Variants in ESR2 observed in about 807,000 individuals in gnomAD.
The protein encoded by ESR2 is estrogen receptor beta.
In ESR2, 36 loss-of-function variants were observed where a neutral mutation model predicts 49.6. The observed-to-expected ratio is 0.73, with a 90% CI of 0.56 to 0.96. The LOEUF is 0.96. Ranked by LOEUF, ESR2 falls within the 40% of genes least tolerant of loss-of-function variation. The pLI is 0.00. For missense variants in ESR2, 714 were observed against 693.0 expected, an observed-to-expected ratio of 1.03 and a Z score of -0.34; for synonymous variants, 320 against 266.1, an observed-to-expected ratio of 1.20 and a Z score of -1.97.
intron 3 of ESR2, among the ~76,000 whole-genome samples, chr14:64,274,541 C>CA (rs1301656716): frequency 2.0e-5 from 3 of 151,776 alleles, no homozygotes; most frequent in African/African-American, 2.4e-5. Flanking sequence ...TTTATTTTCT[C>CA]AAAAAAACCT....
At chr14:64,243,902 G>C (rs2075795180) in intron 7 of ESR2, among the ~76,000 whole-genome samples, 1 of 152,192 alleles carries the variant, frequency 6.6e-6, no homozygotes, top group Admixed American at 6.5e-5. Flanking sequence ...TCTTTGTGCA[G>C]CTCTTTCCCA....
Position 64,232,987 on chromosome 14 carries a change from G to A in ESR2, c.*150C>T. On this transcript the variant is annotated 3_prime_UTR_variant, in exon 9 of 9. Transcript: ENST00000341099. ...CCTCACACCGACTCCTGAGAGTTGG[G>A]AAGGTGGAGGGAAGGATGGTACATG... is the stretch of plus-strand genomic sequence containing the variant. 7.2e-7 allele frequency: 1 copy of A among 1,393,128 alleles called. No individual in the cohort carries two copies. The highest frequency in any genetic ancestry group is 2.9e-5 in the Admixed American group (1 of 34,788). 86.3% of individuals were successfully genotyped at this position (1,393,128 alleles called of 1,614,324 possible).
At position 64,257,292 on chromosome 14, in the gene ESR2, C is replaced by A. The variant is rs553390407; in HGVS notation, c.1025G>T (p.Gly342Val). 6.2e-7 allele frequency: 1 copy of A among 1,614,088 alleles called. No individual in the cohort carries two copies. Among genetic ancestry groups the A allele is most frequent in the Non-Finnish European group, 8.5e-7 (1 of 1,180,006 alleles). ...GTGGTCAATTGAGCGCCACATCAGC[C>A]CCATCATTAACACCTCCATCCAACA... Reference protein sequence around the residue: ...ESCWMEVLMMGLMWRSIDHPG... With the variant: ...ESCWMEVLMMVLMWRSIDHPG... The change falls in exon 6 of 9, where the codon GGG (glycine) becomes GTG (valine). Residue 342 changes from glycine (G) to valine (V), a missense_variant. By Grantham distance (109) the Gly-to-Val change is moderately radical. Coordinates refer to ENST00000341099, the MANE Select transcript of ESR2 (RefSeq NM_001437.3).
chr14:64,237,553 A>T (rs2075630848), intron 7 of ESR2, among the ~76,000 whole-genome samples: 2 of 152,226 alleles, frequency 1.3e-5, no homozygotes, highest in Non-Finnish European at 2.9e-5. Flanking sequence ...TCTCAGTTCA[A>T]AGTGACAAAG....
At chr14:64,305,451 A>AC (rs1431663991) in intron 1 of ESR2, among the ~76,000 whole-genome samples, 2 of 151,968 alleles carry the variant, frequency 1.3e-5, no homozygotes, top group African/African-American at 4.8e-5. Context: ...CGGGCGGATC[A>AC]CGAGGTCAGG....
At chr14:64,289,650 A>G (rs1352070011) in intron 1 of ESR2, among the ~76,000 whole-genome samples, 1 of 152,168 alleles carries the variant, frequency 6.6e-6, no homozygotes, top group Non-Finnish European at 1.5e-5. Flanking sequence ...TTTCCAGACA[A>G]GTTACAATGT....
intron 4 of ESR2, among the ~76,000 whole-genome samples, chr14:64,265,910 T>C (rs761809788): frequency 2.0e-5 from 3 of 152,058 alleles, no homozygotes; most frequent in Non-Finnish European, 2.9e-5. Flanking sequence ...AAAGCATGCA[T>C]AGAGGGTTTT....
intron 1 of ESR2, among the ~76,000 whole-genome samples, chr14:64,309,803 C>T (rs2140879400): frequency 6.6e-6 from 1 of 151,848 alleles, no homozygotes; most frequent in South Asian, 2.1e-4. Context: ...AAGCTCGTCT[C>T]TGGCCAGGCG....
chr14:64,233,375 AC>A, intron 8 of ESR2, 52 bp from the exon 9 acceptor site: 1 of 1,560,508 alleles, frequency 6.4e-7, no homozygotes. Flanking sequence ...AGCCACAGGA[AC>A]CCCGAAGCCT....
At chr14:64,250,257 A>G (rs1180228174) in intron 6 of ESR2, among the ~76,000 whole-genome samples, 2 of 152,252 alleles carry the variant, frequency 1.3e-5, no homozygotes, top group Non-Finnish European at 1.5e-5. Context: ...AGAAATCGCA[A>G]TTAGAGAAGA....
chr14:64,264,457 T>C (rs2076283014), intron 4 of ESR2, among the ~76,000 whole-genome samples: 1 of 143,826 alleles, frequency 7.0e-6, no homozygotes, highest in Non-Finnish European at 1.5e-5. Context: ...GCAAAATGTA[T>C]GTTTTTCTTA....
chr14:64,317,826 GA>G (rs1385726880), intron 1 of ESR2, among the ~76,000 whole-genome samples: 1 of 152,032 alleles, frequency 6.6e-6, no homozygotes, highest in Non-Finnish European at 1.5e-5. Context: ...AATAAACTCA[GA>G]AAAACAGGAA....
intron 1 of ESR2, among the ~76,000 whole-genome samples, chr14:64,335,121 C>T (rs940704108): frequency 6.6e-6 from 1 of 152,068 alleles, no homozygotes; most frequent in South Asian, 2.1e-4. Flanking sequence ...AGCCAGTAAA[C>T]ATGTATAAAA....
chr14:64,296,931 G>A (rs1001376972), upstream of ESR2, among the ~76,000 whole-genome samples: 1 of 152,204 alleles, frequency 6.6e-6, no homozygotes, highest in Non-Finnish European at 1.5e-5. Context: ...GCAGAGTGGA[G>A]AGGATGATTA....
intron 6 of ESR2, among the ~76,000 whole-genome samples, chr14:64,254,302 G>A (rs1237866129): frequency 6.6e-6 from 1 of 152,094 alleles, no homozygotes; most frequent in African/African-American, 2.4e-5. Flanking sequence ...AAGTCTTTAT[G>A]GAGCATGACT....
intron 1 of ESR2, among the ~76,000 whole-genome samples, chr14:64,321,314 A>G (rs899236749): frequency 5.9e-5 from 9 of 152,166 alleles, no homozygotes; most frequent in South Asian, 2.1e-4. Flanking sequence ...TAGAAGCAAA[A>G]AAAAAAAAAA....
intron 7 of ESR2, among the ~76,000 whole-genome samples, chr14:64,244,069 C>A (rs997934817): frequency 6.6e-6 from 1 of 151,884 alleles, no homozygotes; most frequent in African/African-American, 2.4e-5. Flanking sequence ...CTGGGTATGT[C>A]TGTGAGAGTG....
At chr14:64,235,527 C>T (rs564008882) in intron 7 of ESR2, among the ~76,000 whole-genome samples, 32 of 152,344 alleles carry the variant, frequency 2.1e-4, no homozygotes, top group African/African-American at 6.5e-4. Flanking sequence ...TTTAGCCCCA[C>T]GGAGGGCTCC....
intron 1 of ESR2, among the ~76,000 whole-genome samples, chr14:64,331,586 G>A (rs763928890): frequency 8.6e-5 from 13 of 152,046 alleles, no homozygotes; most frequent in Non-Finnish European, 1.5e-4. Context: ...CAGCACTTTC[G>A]GAGGCCGAGG....
Sources: allele counts gnomAD v4.1 joint callset (sites outside exome capture counted in the v4.1 genomes callset), GRCh38; gene constraint gnomAD v4.1.1; transcripts MANE v1.5; gene names NCBI Gene and HGNC (gene_info 2026-07-23, HGNC 2026-07-21).